GPC1: variants seen among roughly 807,000 people sequenced by gnomAD.
GPC1 encodes glypican-1.
A neutral mutation model predicts 51.5 loss-of-function variants in GPC1; 26 were observed. That is an observed-to-expected ratio of 0.50 (90% CI 0.37 to 0.70). The LOEUF is 0.70. GPC1 is among the 30% of genes least tolerant of loss of function. The pLI is 0.00. For missense variants in GPC1, 775 were observed against 800.5 expected (o/e 0.97, Z 0.38); for synonymous variants, 380 against 348.3 (o/e 1.09, Z -1.01).
intron 1 of GPC1, among the ~76,000 whole-genome samples, chr2:240,453,745 C>T (rs1462652485): frequency 3.3e-5 from 5 of 151,788 alleles, no homozygotes; most frequent in African/African-American, 1.2e-4. Context: ...GCACCCGCTC[C>T]GGCTGCGCGG....
In GPC1 at chr2:240,466,182, G is replaced by A. The variant is rs2074260263; in HGVS notation, c.1569G>A (p.Glu523=). 2 of 1,612,818 alleles carry A rather than the reference G, an allele frequency of 1.2e-6. No individual in the cohort carries two copies. The highest frequency in any genetic ancestry group is 1.3e-5 in the African/African-American group (1 of 75,022). Residue 523 remains glutamate (E), a synonymous_variant, in exon 9 of 9, where the codon GAG becomes GAA. Coordinates refer to ENST00000264039, the MANE Select transcript of GPC1 (RefSeq NM_002081.3). The part of the protein sequence containing the change: ...PLTHALPGLS[E]QEGQKTSAAS... ...CCCATGCCCTCCCAGGCCTGTCAGA[G>A]CAGGAAGGACAGAAGACCTCGGCTG... is the stretch of plus-strand genomic sequence containing the variant.
intron 1 of GPC1, among the ~76,000 whole-genome samples, chr2:240,444,567 G>A (rs569778680): frequency 1.1e-4 from 17 of 151,832 alleles, no homozygotes; most frequent in African/African-American, 2.7e-4. Context: ...TAGCCTCCCC[G>A]GCAGGGGTGC....
Position 240,436,055 on chromosome 2 carries a change from T to A in GPC1, c.137T>A (p.Leu46Gln). Residue 46 changes from leucine to glutamine, a missense_variant, in exon 1 of 9, where the codon CTG becomes CAG. Transcript: ENST00000264039. ...RQIYGAKGFSLSDVPQAEISG... is the reference protein window; with the variant it reads ...RQIYGAKGFSQSDVPQAEISG... ...ATCTACGGAGCCAAGGGCTTCAGCC[T>A]GAGCGACGTGCCCCAGGCGGAGATC... 7.5e-7 allele frequency: 1 copy of A among 1,335,170 alleles called. No homozygotes were observed. Among genetic ancestry groups the A allele is most frequent in the Non-Finnish European group, 9.6e-7 (1 of 1,040,712 alleles). The allele number at this position is 1,335,170 out of a possible 1,614,324, so 82.7% of individuals were successfully genotyped here.
chr2:240,450,378 G>A, intron 1 of GPC1: 1 of 349,340 alleles, frequency 2.9e-6, no homozygotes, highest in Non-Finnish European at 5.7e-6. Context: ...CAGGCTGCAG[G>A]GTTGGGGAGG....
chr2:240,463,150 C>G (rs1171735663), intron 3 of GPC1, among the ~76,000 whole-genome samples, 197 bp from the exon 4 acceptor site: 2 of 152,062 alleles, frequency 1.3e-5, no homozygotes, highest in African/African-American at 4.8e-5. Context: ...CCCTGTGACC[C>G]TCGAGATCAT....
At position 240,468,073 on chromosome 2, in the gene GPC1, CCT is replaced by C. The variant is rs2074282935; in HGVS notation, c.*1784_*1785del. 6.6e-6 allele frequency: 1 copy of C among 152,370 alleles called. No individual in the cohort carries two copies. Among genetic ancestry groups the C allele is most frequent in the Admixed American group, 6.5e-5 (1 of 15,284 alleles). The allele number at this position is 152,370 out of a possible 1,614,324, so 9.4% of individuals were successfully genotyped here. Reference sequence around the variant, plus strand: ...CCTTGTATGAATAAAAGGCTGGAAACCTACAGCAGGGCGAGGCCTCGGGGGGA... The same window carrying C: ...CCTTGTATGAATAAAAGGCTGGAAACACAGCAGGGCGAGGCCTCGGGGGGA... On this transcript the variant is annotated 3_prime_UTR_variant, in exon 9 of 9. Transcript: ENST00000264039.
intron 1 of GPC1, among the ~76,000 whole-genome samples, chr2:240,444,901 G>C (rs1424700854): frequency 1.3e-5 from 2 of 152,192 alleles, no homozygotes; most frequent in African/African-American, 4.8e-5. Context: ...TCTGGAGACT[G>C]CAGGGAGAGC....
chr2:240,463,802 A>G (rs1015896804), intron 4 of GPC1: 2 of 479,474 alleles, frequency 4.2e-6, no homozygotes, highest in Admixed American at 7.5e-5. Context: ...ACATGCCAAC[A>G]CGTGTGACTC....
chr2:240,452,779 C>T (rs1351243593), intron 1 of GPC1: 1 of 149,068 alleles, frequency 6.7e-6, no homozygotes, highest in Admixed American at 6.7e-5. Context: ...GGACGCTCGT[C>T]CCCGCGCCGG....
chr2:240,455,915 G>T, intron 1 of GPC1: 1 of 325,152 alleles, frequency 3.1e-6, no homozygotes. Context: ...AGCCTGCAGC[G>T]GGCCTCAGGG....
At chr2:240,436,116 C>T (rs1476401813) in intron 1 of GPC1, 32 bp downstream of exon 1, 6 of 1,244,894 alleles carry the variant, frequency 4.8e-6, no homozygotes, top group Admixed American at 3.8e-5. Context: ...GGAACCCGGG[C>T]CTGGCCGGGC....
At chr2:240,441,539 T>C (rs2074016791) in intron 1 of GPC1, among the ~76,000 whole-genome samples, 1 of 152,236 alleles carries the variant, frequency 6.6e-6, no homozygotes, top group African/African-American at 2.4e-5. Flanking sequence ...CCCTGTCCAG[T>C]GTCGACGTGC....
At chr2:240,456,061 G>GGGAC in intron 1 of GPC1, 1 of 402,578 alleles carries the variant, frequency 2.5e-6, no homozygotes, top group Non-Finnish European at 5.0e-6. Context: ...GAGGGAGGGA[G>GGGAC]GGACGGGGGC....
chr2:240,449,844 C>T (rs2074081355), intron 1 of GPC1: 3 of 470,500 alleles, frequency 6.4e-6, no homozygotes, highest in Non-Finnish European at 4.4e-6. Flanking sequence ...TCAGCGTCGT[C>T]CTCAAGGTTC....
chr2:240,439,541 C>T (rs1056821585), intron 1 of GPC1, among the ~76,000 whole-genome samples: 2 of 152,224 alleles, frequency 1.3e-5, no homozygotes, highest in African/African-American at 4.8e-5. Context: ...CTCGTTGGGC[C>T]CCTCCGAAGG....
At position 240,466,051 on chromosome 2, in the gene GPC1, T is replaced by C; in HGVS notation, c.1445-7T>C. The C allele has an allele frequency of 6.3e-7, 1 of 1,596,486 alleles. No individual in the cohort carries two copies. Among genetic ancestry groups the C allele is most frequent in the Non-Finnish European group, 8.6e-7 (1 of 1,166,182 alleles). ...ACCTGCCTGCCGGAGCCTCCTCTCC[T>C]TCCCAGGTGACGACGGCAGCGGCTC... On this transcript the variant is annotated splice_region_variant and splice_polypyrimidine_tract_variant and intron_variant, in intron 8 of 8. Coordinates refer to ENST00000264039, the MANE Select transcript of GPC1 (RefSeq NM_002081.3).
chr2:240,453,382 TCCCTCCGC>T (rs1559198216), intron 1 of GPC1, among the ~76,000 whole-genome samples: 1,108 of 3,066 alleles, frequency 0.36, 390 homozygotes, highest in Middle Eastern at 0.75. Flanking sequence ...CCCGCCCCGC[TCCCTCCGC>T]CCGCCCCGCT....
chr2:240,442,666 A>G (rs7577243), intron 1 of GPC1, among the ~76,000 whole-genome samples: 86,215 of 152,098 alleles, frequency 0.57, 25,057 homozygotes, highest in Non-Finnish European at 0.63. Context: ...CCAAAGTCAC[A>G]TCCTGAGGAA....
At chr2:240,456,109 C>G (rs1053878515) in intron 1 of GPC1, 3 of 282,292 alleles carry the variant, frequency 1.1e-5, no homozygotes, top group African/African-American at 7.1e-5. Context: ...GTCGCCGGGC[C>G]GGCTGGGCGA....
Sources: allele counts gnomAD v4.1 joint callset (sites outside exome capture counted in the v4.1 genomes callset), GRCh38; gene constraint gnomAD v4.1.1; transcripts MANE v1.5; gene names NCBI Gene and HGNC (gene_info 2026-07-23, HGNC 2026-07-21).